The following PLD1 variants were observed in gnomAD, a reference collection of about 807,000 sequenced individuals.
PLD1 encodes choline phosphatase 1.
In PLD1, 112 loss-of-function variants were observed where a neutral mutation model predicts 137.1. That is an observed-to-expected ratio of 0.82 (90% CI 0.70 to 0.96). The LOEUF (loss-of-function observed/expected upper bound fraction) is 0.96. Among genes scored for constraint, PLD1 ranks in the 40% least tolerant of loss-of-function variants. The probability of loss-of-function intolerance (pLI) is 0.00; values close to 1 mark genes in which losing one functional copy is unlikely to be tolerated. For synonymous variants in PLD1, 431 were observed against 454.7 expected, an observed-to-expected ratio of 0.95 and a Z score of 0.66; for missense variants, 1,321 against 1,342.0, an observed-to-expected ratio of 0.98 and a Z score of 0.24.
intron 21 of PLD1, among the ~76,000 whole-genome samples, chr3:171,648,177 T>C (rs1277627174): frequency 6.6e-6 from 1 of 152,176 alleles, no homozygotes; most frequent in Non-Finnish European, 1.5e-5. Flanking sequence ...TAGCATACAG[T>C]ATCTGTGAGT....
chr3:171,781,657 A>C (rs1722800163), intron 1 of PLD1, among the ~76,000 whole-genome samples: 1 of 152,240 alleles, frequency 6.6e-6, no homozygotes, highest in African/African-American at 2.4e-5. Context: ...AATATTCACC[A>C]GGGAAATTTA....
At chr3:171,622,183 AT>A (rs1449982332) in intron 23 of PLD1, among the ~76,000 whole-genome samples, 2 of 152,140 alleles carry the variant, frequency 1.3e-5, no homozygotes, top group Non-Finnish European at 2.9e-5. Context: ...TAAAGTAAAT[AT>A]TTTTTTACAG....
chr3:171,784,709 G>A (rs1315576543), intron 1 of PLD1, among the ~76,000 whole-genome samples: 1 of 152,002 alleles, frequency 6.6e-6, no homozygotes, highest in Non-Finnish European at 1.5e-5. Context: ...TCAAACACAG[G>A]CTCCAAGCCA....
intron 16 of PLD1, among the ~76,000 whole-genome samples, chr3:171,683,282 G>A (rs1474868200): frequency 6.6e-6 from 1 of 152,154 alleles, no homozygotes; most frequent in Non-Finnish European, 1.5e-5. Context: ...TCTGAAGAAT[G>A]ATCCTTGGAA....
At chr3:171,725,637 T>G (rs1034897348) in intron 7 of PLD1, among the ~76,000 whole-genome samples, 1 of 152,248 alleles carries the variant, frequency 6.6e-6, no homozygotes, top group Admixed American at 6.5e-5. Flanking sequence ...TTTTACATAG[T>G]ATTATTTTAA....
chr3:171,678,579 A>G (rs1371343261), intron 16 of PLD1, among the ~76,000 whole-genome samples: 3 of 152,244 alleles, frequency 2.0e-5, no homozygotes, highest in Non-Finnish European at 4.4e-5. Flanking sequence ...TAGACACTGA[A>G]TGCAAAAATA....
rs1250463503 is a variant in PLD1, at chr3:171,713,917, C to T, written c.887G>A (p.Gly296Glu). Reference protein sequence around the residue: ...VGKKETETKYGIRIDNLSRTL... With the variant: ...VGKKETETKYEIRIDNLSRTL... The stretch of plus-strand genomic sequence containing the variant: ...CCTTGAAAGATTATCAATTCGGATT[C>T]CATATTTCGTTTCTGTCTCCTTCTT... The change falls in exon 9 of 27, where the codon GGA becomes GAA. Residue 296 changes from glycine (G) to glutamate (E), a missense_variant. Coordinates refer to ENST00000351298, the MANE Select transcript of PLD1 (RefSeq NM_002662.5). 6.2e-7 allele frequency: 1 copy of T among 1,612,914 alleles called. No individual in the cohort carries two copies. Among genetic ancestry groups the T allele is most frequent in the Non-Finnish European group, 8.5e-7 (1 of 1,179,176 alleles).
intron 1 of PLD1, among the ~76,000 whole-genome samples, chr3:171,761,216 C>T (rs1283541326): frequency 6.6e-6 from 1 of 152,180 alleles, no homozygotes; most frequent in Admixed American, 6.5e-5. Context: ...GGTAGGAACA[C>T]ACTTTATAGT....
chr3:171,642,830 A>T lies in PLD1; in HGVS notation c.2593+10T>A. On this transcript the variant is annotated intron_variant, in intron 23 of 26. Coordinates refer to ENST00000351298, the MANE Select transcript of PLD1 (RefSeq NM_002662.5). ...AAAACAATGATATGAGAAAAAAAGCAGTTACTTACGCTCTGCTTTTAACTG... is the reference window on the plus strand; with the variant it reads ...AAAACAATGATATGAGAAAAAAAGCTGTTACTTACGCTCTGCTTTTAACTG... 1 of 1,515,004 alleles carries T rather than the reference A, an allele frequency of 6.6e-7. No homozygotes were observed. Among genetic ancestry groups the T allele is most frequent in the Non-Finnish European group, 9.0e-7 (1 of 1,105,918 alleles). The allele number at this position is 1,515,004 out of a possible 1,614,324, so 93.8% of individuals were successfully genotyped here.
At chr3:171,718,514 C>T (rs1235992053) in intron 8 of PLD1, among the ~76,000 whole-genome samples, 2 of 152,280 alleles carry the variant, frequency 1.3e-5, no homozygotes, top group Admixed American at 1.3e-4. Context: ...AGAGACACAA[C>T]AAAAAGAGGA....
intron 21 of PLD1, among the ~76,000 whole-genome samples, chr3:171,650,032 T>C (rs1293672213): frequency 2.6e-5 from 4 of 152,130 alleles, no homozygotes; most frequent in Admixed American, 2.6e-4. Flanking sequence ...CCTTTAAATG[T>C]GTTAACTTCC....
At chr3:171,722,282 A>G (rs1407670671) in intron 8 of PLD1, among the ~76,000 whole-genome samples, 1 of 152,196 alleles carries the variant, frequency 6.6e-6, no homozygotes, top group East Asian at 1.9e-4. Flanking sequence ...ACCATGATAA[A>G]CATTTTTCAG....
intron 11 of PLD1, among the ~76,000 whole-genome samples, chr3:171,706,115 GGTCA>G (rs10576803): frequency 0.099 from 13,839 of 140,380 alleles, 673 homozygotes; most frequent in South Asian, 0.13. Flanking sequence ...ACCAACACCG[GGTCA>G]GTCAGTCTAT....
In PLD1 at chr3:171,751,776, G is replaced by A. The variant is rs533732919; in HGVS notation, c.-31-13694C>T. On this transcript the variant is annotated intron_variant, in intron 1 of 26. Transcript: ENST00000351298. The stretch of plus-strand genomic sequence containing the variant: ...AGCACTTTGGAAAGCCAAGACAGGC[G>A]GATCACGAGGTCAGGAGATCGAGAC... Among the ~76,000 whole-genome samples the A allele has an allele frequency of 6.6e-5, 10 of 152,270 alleles. No individual in the cohort carries two copies. The East Asian group carries it at 1.5e-3, about 24-fold the overall frequency.
chr3:171,695,619 A>G (rs1489470621), intron 12 of PLD1, among the ~76,000 whole-genome samples: 1 of 152,234 alleles, frequency 6.6e-6, no homozygotes, highest in Non-Finnish European at 1.5e-5. Context: ...AAATTTTTAT[A>G]GTGGAAATCA....
intron 24 of PLD1, among the ~76,000 whole-genome samples, chr3:171,616,000 C>T (rs1733077464): frequency 6.6e-6 from 1 of 152,238 alleles, no homozygotes; most frequent in South Asian, 2.1e-4. Flanking sequence ...CATGCCAATA[C>T]TTAGATTGCC....
At chr3:171,739,759 A>G (rs1719637517) in intron 1 of PLD1, among the ~76,000 whole-genome samples, 1 of 152,296 alleles carries the variant, frequency 6.6e-6, no homozygotes, top group African/African-American at 2.4e-5. Context: ...TAACTTGACC[A>G]ATATTTTAAA....
chr3:171,631,978 T>C (rs1475386202), intron 23 of PLD1, among the ~76,000 whole-genome samples: 2 of 152,162 alleles, frequency 1.3e-5, no homozygotes, highest in Non-Finnish European at 2.9e-5. Flanking sequence ...AGGATACTTA[T>C]ATACACCTAA....
intron 23 of PLD1, among the ~76,000 whole-genome samples, chr3:171,641,833 C>T (rs181035580): frequency 2.1e-4 from 32 of 152,244 alleles, no homozygotes; most frequent in African/African-American, 6.7e-4. Flanking sequence ...TTCATATAAA[C>T]GTCAGTTTGA....
Sources: allele counts gnomAD v4.1 joint callset (sites outside exome capture counted in the v4.1 genomes callset), GRCh38; gene constraint gnomAD v4.1.1; transcripts MANE v1.5; gene names NCBI Gene and HGNC (gene_info 2026-07-23, HGNC 2026-07-21).